ZNF710: variants seen among roughly 807,000 people sequenced by gnomAD.
The protein encoded by ZNF710 is zinc finger protein 710.
Under a neutral mutation model 50.6 loss-of-function variants are expected in ZNF710, and 13 were observed. That is an observed-to-expected ratio of 0.26 (90% confidence interval 0.17 to 0.41). ZNF710 has a LOEUF of 0.41. Ranked by LOEUF, ZNF710 falls within the 10% of genes least tolerant of loss-of-function variation. The pLI is 1.00. For synonymous variants in ZNF710, 383 were observed against 397.0 expected (o/e 0.96, Z 0.42); for missense variants, 721 against 936.6 (o/e 0.77, Z 3.01).
At chr15:90,074,002 A>AAAAC in intron 3 of ZNF710, 114 bp from the exon 4 acceptor site, 1 of 1,173,752 alleles carries the variant, frequency 8.5e-7, no homozygotes, top group Non-Finnish European at 1.1e-6. Context: ...AAAAAAAACA[A>AAAAC]AAAAAAAAAA....
rs1016360555 is a variant in ZNF710 at position 90,023,780 on chromosome 15, T to C, written c.-29+22166T>C. 5.3e-5 allele frequency among the ~76,000 whole-genome samples: 8 copies of C among 152,160 alleles called. 1 individual carries two copies. The South Asian group carries it at 1.7e-3, about 32-fold the overall frequency. On this transcript the variant is annotated intron_variant, in intron 1 of 4. Transcript: ENST00000268154. ...TGGGAGGCCAAGGCAGGTGGATCAT[T>C]GAGCTCAGAAGTTCGAGACCAGCCT... is the stretch of plus-strand genomic sequence containing the variant.
chr15:90,074,444 A>G (rs759092568), intron 4 of ZNF710, 154 bp downstream of exon 4: 420 of 1,537,280 alleles, frequency 2.7e-4, no homozygotes, highest in Admixed American at 4.5e-4. Flanking sequence ...CTGGAAGGCC[A>G]TGATGACAAT....
chr15:90,060,674 T>C (rs1389026728), intron 1 of ZNF710, among the ~76,000 whole-genome samples: 1 of 151,946 alleles, frequency 6.6e-6, no homozygotes, highest in East Asian at 1.9e-4. Flanking sequence ...GCCAACATGG[T>C]GAACACCTTG....
At chr15:90,039,276 CAA>C (rs765692817) in intron 1 of ZNF710, among the ~76,000 whole-genome samples, 1,936 of 127,252 alleles carry the variant, frequency 0.015, 41 homozygotes, top group African/African-American at 0.051. Flanking sequence ...GAGACTGTCT[CAA>C]AAAAAAAAAA....
intron 1 of ZNF710, among the ~76,000 whole-genome samples, chr15:90,013,243 G>C (rs983501878): frequency 1.3e-5 from 2 of 152,150 alleles, no homozygotes; most frequent in African/African-American, 2.4e-5. Context: ...TGGGATTACA[G>C]GTGTGTCCAC....
chr15:90,000,065 G>A (rs145612251), upstream of ZNF710, among the ~76,000 whole-genome samples: 386 of 151,744 alleles, frequency 2.5e-3, 1 homozygote, highest in Non-Finnish European at 4.0e-3. Flanking sequence ...CCCCCTGGCT[G>A]CAGCCCCAGT....
intron 1 of ZNF710, among the ~76,000 whole-genome samples, chr15:90,022,115 C>T (rs1258133374): frequency 5.9e-5 from 9 of 151,846 alleles, no homozygotes; most frequent in Non-Finnish European, 1.0e-4. Flanking sequence ...CAGTGGCTCA[C>T]GCCTGTAATC....
At chr15:90,050,485 G>C (rs1899605756) in intron 1 of ZNF710, among the ~76,000 whole-genome samples, 1 of 152,176 alleles carries the variant, frequency 6.6e-6, no homozygotes. Context: ...TTCCTAATCA[G>C]CTTCTCCCTT....
At position 90,067,486 on chromosome 15, in the gene ZNF710, G is replaced by A. The variant is rs756535865; in HGVS notation, c.349G>A (p.Glu117Lys). 1.2e-6 allele frequency: 2 copies of A among 1,613,370 alleles called. No homozygotes were observed. The highest frequency in any genetic ancestry group is 2.2e-5 in the East Asian group (1 of 44,866). Reference protein sequence around the residue: ...PKVKFEKVEEEEQEVYEVSVP... With the variant: ...PKVKFEKVEEKEQEVYEVSVP... Reference sequence around the variant, plus strand: ...GGTCAAGTTCGAGAAGGTGGAGGAGGAGGAACAGGAGGTCTATGAGGTTTC... The same window carrying A: ...GGTCAAGTTCGAGAAGGTGGAGGAGAAGGAACAGGAGGTCTATGAGGTTTC... Residue 117 changes from glutamate (E) to lysine (K), a missense_variant, in exon 2 of 5, where the codon GAG becomes AAG. Glu to Lys is a moderately conservative substitution (Grantham distance 56). Transcript: ENST00000268154. The surrounding 1 kb of genome is among the most constrained non-coding windows in gnomAD (Gnocchi z 8.1).
intron 1 of ZNF710, among the ~76,000 whole-genome samples, chr15:90,038,918 T>A (rs116221860): frequency 0.018 from 2,792 of 152,270 alleles, 92 homozygotes; most frequent in African/African-American, 0.063. Context: ...TCCCTGTGTG[T>A]GTTGTGGGGC....
intron 1 of ZNF710, among the ~76,000 whole-genome samples, chr15:90,018,299 G>C (rs1898511451): frequency 6.6e-6 from 1 of 151,450 alleles, no homozygotes; most frequent in Non-Finnish European, 1.5e-5. Context: ...TTCCTGAATA[G>C]CTGGGATCAC....
chr15:90,056,426 A>AGCTG (rs540551305), intron 1 of ZNF710, among the ~76,000 whole-genome samples: 112 of 152,018 alleles, frequency 7.4e-4, no homozygotes, highest in African/African-American at 2.7e-3. Context: ...AAAAAAAAAG[A>AGCTG]GCTCCAGATT....
At chr15:90,033,351 G>A (rs368419909) in intron 1 of ZNF710, among the ~76,000 whole-genome samples, 34 of 152,308 alleles carry the variant, frequency 2.2e-4, no homozygotes, top group African/African-American at 7.5e-4. Context: ...GGATGTTAAA[G>A]GTGGGGAAAG....
intron 1 of ZNF710, among the ~76,000 whole-genome samples, chr15:90,002,178 C>T (rs1898030602): frequency 6.6e-6 from 1 of 151,470 alleles, no homozygotes; most frequent in Admixed American, 6.6e-5. Flanking sequence ...CGGCTGCCCA[C>T]AAACTTTATT....
intron 1 of ZNF710, among the ~76,000 whole-genome samples, chr15:90,024,518 T>C (rs185802539): frequency 2.8e-4 from 43 of 152,336 alleles, no homozygotes; most frequent in African/African-American, 1.0e-3. Flanking sequence ...CGGTGCAAGA[T>C]GACTCCCAGT....
At chr15:90,070,090 G>A (rs1387238083) in intron 2 of ZNF710, among the ~76,000 whole-genome samples, 1 of 152,238 alleles carries the variant, frequency 6.6e-6, no homozygotes, top group Non-Finnish European at 1.5e-5. Context: ...AGACACTATA[G>A]GGAGTTGGGG....
At chr15:90,047,575 TTC>T (rs1373612209) in intron 1 of ZNF710, among the ~76,000 whole-genome samples, 2 of 144,642 alleles carry the variant, frequency 1.4e-5, no homozygotes, top group Non-Finnish European at 3.0e-5. Flanking sequence ...CAAGTTTCTT[TTC>T]TTTTTCTTTT....
At chr15:90,022,674 C>T (rs1898659587) in intron 1 of ZNF710, among the ~76,000 whole-genome samples, 1 of 152,196 alleles carries the variant, frequency 6.6e-6, no homozygotes, top group Non-Finnish European at 1.5e-5. Context: ...GAAATGTTGA[C>T]CTGAGAGACG....
chr15:90,035,145 G>A (rs1440342325), intron 1 of ZNF710, among the ~76,000 whole-genome samples: 2 of 152,246 alleles, frequency 1.3e-5, no homozygotes, highest in Admixed American at 6.5e-5. Flanking sequence ...ACATGGCCAT[G>A]GTGATTGACC....
Sources: allele counts gnomAD v4.1 joint callset (sites outside exome capture counted in the v4.1 genomes callset), GRCh38; gene constraint gnomAD v4.1.1; non-coding constraint Gnocchi (gnomAD v3.1); transcripts MANE v1.5; gene names NCBI Gene and HGNC (gene_info 2026-07-23, HGNC 2026-07-21).